Variants in DDX60L observed in about 807,000 individuals in gnomAD.
DDX60L encodes probable ATP-dependent RNA helicase DDX60-like.
A neutral mutation model predicts 211.6 loss-of-function variants in DDX60L; 191 were observed. That is an observed-to-expected ratio of 0.90 (90% CI 0.80 to 1.02). DDX60L has a LOEUF of 1.02. Among genes scored for constraint, DDX60L ranks in the 50% least tolerant of loss-of-function variants. DDX60L has a pLI of 0.00. For missense variants in DDX60L, 2,007 were observed against 1,984.1 expected, an observed-to-expected ratio of 1.01 and a Z score of -0.22; for synonymous variants, 706 against 694.1, an observed-to-expected ratio of 1.02 and a Z score of -0.27.
In DDX60L at chr4:168,461,756, G is replaced by T. The variant is rs1265181096; in HGVS notation, c.549C>A (p.Leu183=). ...TTTCCATAGTATATGCATAAAATCT[G>T]AGAGTATCAGATTCATGCCCTGATG... ...VLSSGHESDT[L]RFYAYTMEST... Residue 183 remains leucine, a synonymous_variant, in exon 5 of 38, where the codon CTC becomes CTA. Coordinates refer to ENST00000682922, the MANE Select transcript of DDX60L (RefSeq NM_001012967.3). 6.2e-7 allele frequency: 1 copy of T among 1,601,690 alleles called. No homozygotes were observed. Among genetic ancestry groups the T allele is most frequent in the South Asian group, 1.1e-5 (1 of 89,156 alleles).
intron 29 of DDX60L, chr4:168,390,338 G>T: frequency 8.6e-7 from 1 of 1,164,464 alleles, no homozygotes; most frequent in Non-Finnish European, 1.1e-6. Context: ...AAAAATTCCA[G>T]CTCAGGGACT....
intron 17 of DDX60L, among the ~76,000 whole-genome samples, chr4:168,420,961 A>G (rs1237031116): frequency 1.3e-5 from 2 of 152,178 alleles, no homozygotes; most frequent in African/African-American, 4.8e-5. Context: ...CTTAACTATA[A>G]TTATATAAAA....
intron 27 of DDX60L, chr4:168,395,749 C>T: frequency 2.3e-6 from 1 of 438,410 alleles, no homozygotes; most frequent in Non-Finnish European, 4.0e-6. Context: ...AAATAAGAGG[C>T]TGACATTCAC....
At chr4:168,422,746 C>T in intron 15 of DDX60L, 76 bp from the exon 16 acceptor site, 1 of 1,152,214 alleles carries the variant, frequency 8.7e-7, no homozygotes, top group East Asian at 2.6e-5. Flanking sequence ...ATCCACTGAG[C>T]ACATTCTATG....
At chr4:168,450,063 C>A (rs115475782) in intron 8 of DDX60L, among the ~76,000 whole-genome samples, 11 of 152,194 alleles carry the variant, frequency 7.2e-5, no homozygotes, top group Admixed American at 3.9e-4. Flanking sequence ...GGGGACTCGG[C>A]GGCCCATGGA....
At chr4:168,378,537 T>G in intron 32 of DDX60L, 62 bp from the exon 33 acceptor site, 2 of 1,322,244 alleles carry the variant, frequency 1.5e-6, no homozygotes, top group South Asian at 1.6e-5. Flanking sequence ...ATTTTCTGCC[T>G]AAATTTGTTT....
intron 33 of DDX60L, among the ~76,000 whole-genome samples, chr4:168,376,946 A>G (rs1004972630): frequency 2.0e-5 from 3 of 152,212 alleles, no homozygotes; most frequent in Admixed American, 1.3e-4. Flanking sequence ...GGTACATGAG[A>G]TGATTTAGTG....
intron 8 of DDX60L, among the ~76,000 whole-genome samples, 181 bp from the exon 9 acceptor site, chr4:168,448,960 C>T (rs1216781067): frequency 6.6e-6 from 1 of 152,130 alleles, no homozygotes; most frequent in Non-Finnish European, 1.5e-5. Flanking sequence ...CATATCTTTA[C>T]TTTTAAAACT....
chr4:168,439,936 G>A (rs1753584485), intron 10 of DDX60L, among the ~76,000 whole-genome samples: 1 of 152,112 alleles, frequency 6.6e-6, no homozygotes, highest in African/African-American at 2.4e-5. Flanking sequence ...TTTATAAACA[G>A]GCAAAACTCA....
At chr4:168,390,054 C>T (rs1045919851) in intron 29 of DDX60L, 1 of 818,574 alleles carries the variant, frequency 1.2e-6, no homozygotes, top group African/African-American at 1.9e-5. Context: ...GGGGCAATTC[C>T]CAGAAAGGTC....
chr4:168,395,268 T>TTGTTGGCA (rs1745569779), intron 27 of DDX60L, among the ~76,000 whole-genome samples: 1 of 152,194 alleles, frequency 6.6e-6, no homozygotes, highest in Admixed American at 6.5e-5. Context: ...AATAATAATG[T>TTGTTGGCA]AGCTCTATTG....
chr4:168,387,699 A>T (rs1166504931), intron 29 of DDX60L, among the ~76,000 whole-genome samples: 1 of 152,248 alleles, frequency 6.6e-6, no homozygotes, highest in Non-Finnish European at 1.5e-5. Context: ...GCAGAAAAGT[A>T]ATTGGACGAT....
chr4:168,386,164 T>G (rs1207555113), intron 29 of DDX60L, among the ~76,000 whole-genome samples: 1 of 152,162 alleles, frequency 6.6e-6, no homozygotes, highest in Non-Finnish European at 1.5e-5. Context: ...CTGGGTGGTT[T>G]CAAGCTCCAA....
In DDX60L at chr4:168,415,500, A is replaced by G. The variant is rs761078131; in HGVS notation, c.2887T>C (p.Tyr963His). 1.9e-6 allele frequency: 3 copies of G among 1,592,510 alleles called. No homozygotes were observed. The highest frequency in any genetic ancestry group is 2.6e-6 in the Non-Finnish European group (3 of 1,163,732). ...EVRLVLCGER[Y>H]NDLEKHICSV... ...CATATATGCTTCTCTAAATCATTGT[A>G]TCTCTCTCCACAGAGCACTAGATAC... Residue 963 changes from tyrosine to histidine, a missense_variant, in exon 22 of 38, where the codon TAC becomes CAC. Tyr to His is a moderately conservative substitution (Grantham distance 83, BLOSUM62 2). Transcript: ENST00000682922.
At position 168,441,347 on chromosome 4, in the gene DDX60L, C is replaced by T. The variant is rs1222098251; in HGVS notation, c.1284G>A (p.Ser428=). 5.0e-6 allele frequency: 8 copies of T among 1,604,686 alleles called. No homozygotes were observed. Among genetic ancestry groups the T allele is most frequent in the East Asian group, 4.5e-5 (2 of 44,572 alleles). The change falls in exon 10 of 38, where the codon TCG becomes TCA. Residue 428 remains serine (S), a synonymous_variant. Transcript: ENST00000682922. ...TTACCCATTTAGTACCTTGAATGAC[C>T]GATTTCTCTTGTCTAAGAAAATGTC... ...TRRHFLRQEK[S]VIQEISLEKM... is the part of the protein sequence containing the mutation.
At chr4:168,411,716 G>C (rs868389828) in intron 22 of DDX60L, among the ~76,000 whole-genome samples, 9 of 152,250 alleles carry the variant, frequency 5.9e-5, no homozygotes, top group Middle Eastern at 3.4e-3. Context: ...TGGGCTCAGA[G>C]CCTATGGACT....
At chr4:168,441,134 G>C (rs1225192731) in intron 10 of DDX60L, among the ~76,000 whole-genome samples, 1 of 152,036 alleles carries the variant, frequency 6.6e-6, no homozygotes, top group East Asian at 1.9e-4. Context: ...ATATATCTGT[G>C]TAAAATTTCA....
intron 34 of DDX60L, among the ~76,000 whole-genome samples, chr4:168,374,780 C>T (rs1396400194): frequency 6.6e-6 from 1 of 152,208 alleles, no homozygotes; most frequent in Non-Finnish European, 1.5e-5. Context: ...TGACTATGTG[C>T]TATGCACTGT....
intron 20 of DDX60L, 79 bp from the exon 21 acceptor site, chr4:168,415,878 A>C (rs2149841145): frequency 7.9e-7 from 1 of 1,266,570 alleles, no homozygotes; most frequent in Non-Finnish European, 1.0e-6. Context: ...AAACAAAGAA[A>C]ATTTCACAAG....
Sources: gnomAD v4.1 joint callset for allele counts (sites outside exome capture counted in the v4.1 genomes callset) on GRCh38, gnomAD v4.1.1 for gene constraint, MANE v1.5 for transcripts, NCBI Gene and HGNC (gene_info 2026-07-23, HGNC 2026-07-21) for gene names.